Variants in RAD51D observed in about 807,000 individuals in gnomAD.
RAD51D encodes the protein DNA repair protein RAD51 homolog 4.
RAD51D carries 38 observed loss-of-function variants against 44.1 expected under a neutral mutation model. The observed-to-expected ratio is 0.86, with a 90% CI of 0.67 to 1.13. RAD51D has a LOEUF of 1.13. RAD51D is among the 50% of genes most tolerant of loss of function. The pLI is 0.00. For synonymous variants in RAD51D, 141 were observed against 166.6 expected, an observed-to-expected ratio of 0.85 and a Z score of 1.18; for missense variants, 390 against 414.0, an observed-to-expected ratio of 0.94 and a Z score of 0.50.
chr17:35,119,077 A>G (rs2091786796), intron 2 of RAD51D, 34 bp downstream of exon 2: 1 of 1,594,290 alleles, frequency 6.3e-7, no homozygotes, highest in Non-Finnish European at 8.6e-7. Flanking sequence ...TTAAAAAGAC[A>G]CTCAGGTTTG....
Position 35,092,570 on chromosome 17 carries a change from A to G in RAD51D, c.*8383T>C, listed in dbSNP as rs900582811. On this transcript the variant is annotated 3_prime_UTR_variant, in exon 10 of 10. Coordinates refer to ENST00000345365, the MANE Select transcript of RAD51D (RefSeq NM_002878.4). ...TAGGACAGAGACATTACCTTGTCCA[A>G]GTAACTCGGCCAGAAAGGGACTAGC... is the stretch of plus-strand genomic sequence containing the variant. The G allele has an allele frequency of 6.6e-6, 1 of 152,226 alleles. No homozygotes were observed. Among genetic ancestry groups the G allele is most frequent in the Admixed American group, 6.5e-5 (1 of 15,276 alleles). 9.4% of individuals were successfully genotyped at this position (152,226 alleles called of 1,614,324 possible). A position where few individuals can be genotyped will look rare whatever the true frequency, so the allele number is the denominator to read the frequency against.
chr17:35,119,042 G>A (rs2091786287), intron 2 of RAD51D, 69 bp downstream of exon 2: 5 of 1,456,170 alleles, frequency 3.4e-6, no homozygotes, highest in South Asian at 3.4e-5. Context: ...GAGCCACCGC[G>A]CCCAGCTGGC....
chr17:35,105,712 G>T (rs992992030), intron 6 of RAD51D, among the ~76,000 whole-genome samples: 3 of 152,096 alleles, frequency 2.0e-5, no homozygotes, highest in African/African-American at 7.2e-5. Context: ...CTCTGAATGT[G>T]TTCAGCGACT....
At chr17:35,108,542 C>G (rs960086179) in intron 3 of RAD51D, among the ~76,000 whole-genome samples, 1 of 136,646 alleles carries the variant, frequency 7.3e-6, no homozygotes, top group Non-Finnish European at 1.6e-5. Context: ...GTATATCACA[C>G]AAGTAGCAAA....
intron 3 of RAD51D, among the ~76,000 whole-genome samples, chr17:35,114,557 G>A (rs556514896): frequency 2.6e-5 from 4 of 152,114 alleles, no homozygotes; most frequent in African/African-American, 7.2e-5. Context: ...AGGCATGGTG[G>A]TGAGCACCTG....
rs779231465 is a variant in RAD51D at position 35,103,537 on chromosome 17, C to A, written c.584G>T (p.Gly195Val). ...CACCACCTTCACAGTTCCTGAAGAA[C>A]CAGTCACCTGAAGGAATGTGGGGGA... ...LRGTVAQQVT[G>V]SSGTVKVVVV... The change falls in exon 7 of 10, where the codon GGT becomes GTT. Residue 195 changes from glycine to valine, a missense_variant. Physicochemically the swap from Gly to Val is moderately radical, Grantham distance 109. Transcript: ENST00000345365. The surrounding 1 kb of genome is among the most constrained non-coding windows in gnomAD (Gnocchi z 4.1). 6.2e-7 allele frequency: 1 copy of A among 1,613,952 alleles called. No homozygotes were observed. Among genetic ancestry groups the A allele is most frequent in the South Asian group, 1.1e-5 (1 of 91,068 alleles).
Position 35,099,357 on chromosome 17 carries a change from C to A in RAD51D, c.*1596G>T. The A allele has an allele frequency of 6.1e-6, 1 of 165,258 alleles. No homozygotes were observed. The highest frequency in any genetic ancestry group is 1.3e-5 in the Non-Finnish European group (1 of 74,404). 10.2% of individuals were successfully genotyped at this position (165,258 alleles called of 1,614,324 possible). ...ACTTCCACAAAAAAGAGTGCTTGTG[C>A]CCGATTGGTCATGTCTGCTGTGGGC... On this transcript the variant is annotated 3_prime_UTR_variant, in exon 10 of 10. Coordinates refer to ENST00000345365, the MANE Select transcript of RAD51D (RefSeq NM_002878.4).
intron 3 of RAD51D, among the ~76,000 whole-genome samples, chr17:35,108,202 G>A (rs2091633102): frequency 2.0e-5 from 3 of 150,820 alleles, no homozygotes; most frequent in Admixed American, 1.3e-4. Flanking sequence ...CCGAGATCAC[G>A]CCACTGCACT....
In RAD51D at chr17:35,098,088, G is replaced by C. The variant is rs1005113229; in HGVS notation, c.*2865C>G. The stretch of plus-strand genomic sequence containing the variant: ...TGGCTGTGAGGGGCACAGCCTGCAG[G>C]AATGTCACGTGGTGGTCTCAAGTAG... On this transcript the variant is annotated 3_prime_UTR_variant, in exon 10 of 10. Transcript: ENST00000345365. The C allele has an allele frequency of 2.0e-5, 3 of 152,242 alleles. No homozygotes were observed. Among genetic ancestry groups the C allele is most frequent in the African/African-American group, 7.2e-5 (3 of 41,426 alleles). The allele number at this position is 152,242 out of a possible 1,614,324, so 9.4% of individuals were successfully genotyped here. A position where few individuals can be genotyped will look rare whatever the true frequency, so the allele number is the denominator to read the frequency against.
rs1208177757 is a variant in RAD51D, at chr17:35,094,747, G to A, written c.*6206C>T. 1 of 152,194 alleles carries A rather than the reference G, an allele frequency of 6.6e-6. No homozygotes were observed. Among genetic ancestry groups the A allele is most frequent in the Non-Finnish European group, 1.5e-5 (1 of 68,038 alleles). 9.4% of individuals were successfully genotyped at this position (152,194 alleles called of 1,614,324 possible). On this transcript the variant is annotated 3_prime_UTR_variant, in exon 10 of 10. Transcript: ENST00000345365. The stretch of plus-strand genomic sequence containing the variant: ...CCGTGCTGCCACTTATTAGCTTTAT[G>A]TCCTTAACCTCACTGAGATCCCATT...
rs1348204833 is a variant in RAD51D, at chr17:35,096,941, G to A, written c.*4012C>T. The A allele has an allele frequency of 2.6e-5, 4 of 152,074 alleles. No homozygotes were observed. The highest frequency in any genetic ancestry group is 7.2e-5 in the African/African-American group (3 of 41,390). The allele number at this position is 152,074 out of a possible 1,614,324, so 9.4% of individuals were successfully genotyped here. A position where few individuals can be genotyped will look rare whatever the true frequency, so the allele number is the denominator to read the frequency against. On this transcript the variant is annotated 3_prime_UTR_variant, in exon 10 of 10. Coordinates refer to ENST00000345365, the MANE Select transcript of RAD51D (RefSeq NM_002878.4). The stretch of plus-strand genomic sequence containing the variant: ...TTACTTGCAGCCTTAATGATACATG[G>A]ACCTTTGCCTGAGTCCTTGGGAATT...
In RAD51D at chr17:35,119,523, C is replaced by T. The variant is rs747267285; in HGVS notation, c.82+9G>A. ...CGCGCGGCTCCCTGGCACGCGCACA[C>T]CCGGTCACCTGTCTTGATCCTGTGG... is the stretch of plus-strand genomic sequence containing the variant. On this transcript the variant is annotated intron_variant, in intron 1 of 9. Transcript: ENST00000345365. 2.5e-6 allele frequency: 4 copies of T among 1,611,078 alleles called. No homozygotes were observed. The highest frequency in any genetic ancestry group is 2.2e-5 in the South Asian group (2 of 91,084).
chr17:35,114,848 A>G (rs2091718206), intron 3 of RAD51D, among the ~76,000 whole-genome samples: 1 of 152,226 alleles, frequency 6.6e-6, no homozygotes, highest in African/African-American at 2.4e-5. Flanking sequence ...ACTGACCTAG[A>G]CTAATTAAAT....
At position 35,119,041 on chromosome 17, in the gene RAD51D, C is replaced by G. The variant is rs1051071982; in HGVS notation, c.144+70G>C. The G allele has an allele frequency of 2.1e-5, 30 of 1,450,886 alleles. 1 individual carries two copies. In the Admixed American group the frequency reaches 5.0e-4, roughly 24 times the overall value. 89.9% of individuals were successfully genotyped at this position (1,450,886 alleles called of 1,614,324 possible). ...CTGGGATTACAGGCATGAGCCACCG[C>G]GCCCAGCTGGCTTGGGATGGACTTT... On this transcript the variant is annotated intron_variant, in intron 2 of 9. Transcript: ENST00000345365.
At chr17:35,112,085 C>T (rs531028766) in intron 3 of RAD51D, among the ~76,000 whole-genome samples, 161 of 151,432 alleles carry the variant, frequency 1.1e-3, no homozygotes, top group African/African-American at 3.8e-3. Context: ...TGTTTATTTG[C>T]TTGTTTTTTT....
Position 35,092,278 on chromosome 17 carries a change from A to G in RAD51D, c.*8675T>C, listed in dbSNP as rs1187782751. The G allele has an allele frequency of 6.6e-6, 1 of 152,228 alleles. No homozygotes were observed. The highest frequency in any genetic ancestry group is 2.4e-5 in the African/African-American group (1 of 41,456). 9.4% of individuals were successfully genotyped at this position (152,228 alleles called of 1,614,324 possible). On this transcript the variant is annotated 3_prime_UTR_variant, in exon 10 of 10. Transcript: ENST00000345365. The stretch of plus-strand genomic sequence containing the variant: ...ATTTGCTAAGTACTTTCCAACGCAT[A>G]TTTATGAAGCACAGGCCTTTCCCCA...
intron 1 of RAD51D, 93 bp from the exon 2 acceptor site, chr17:35,119,265 AC>A (rs780165695): frequency 1.1e-5 from 13 of 1,232,734 alleles, no homozygotes; most frequent in African/African-American, 3.0e-5. Context: ...TGTCAATTCT[AC>A]CCCCCGGCAG....
At position 35,102,761 on chromosome 17, in the gene RAD51D, CAT is replaced by C. The variant is rs577871080; in HGVS notation, c.738+491_738+492del. 2.0e-4 allele frequency among the ~76,000 whole-genome samples: 31 copies of C among 152,100 alleles called. 1 individual carries two copies. The East Asian group carries it at 5.6e-3, about 28-fold the overall frequency. On this transcript the variant is annotated intron_variant, in intron 8 of 9. Transcript: ENST00000345365. ...GTGGAGATTGATGACAAATTTGAAT[CAT>C]ATTTATTTTCTATCCTTTCTATGAG...
At chr17:35,113,550 T>G (rs756647834) in intron 3 of RAD51D, 83 of 444,700 alleles carry the variant, frequency 1.9e-4, no homozygotes, top group African/African-American at 1.5e-3. Context: ...ATTATAGGCA[T>G]GAGCCACCGT....
Sources: allele counts gnomAD v4.1 joint callset (sites outside exome capture counted in the v4.1 genomes callset), GRCh38; gene constraint gnomAD v4.1.1; non-coding constraint Gnocchi (gnomAD v3.1); transcripts MANE v1.5; gene names NCBI Gene and HGNC (gene_info 2026-07-23, HGNC 2026-07-21).